The following NOCT variants were observed in gnomAD, a reference collection of about 807,000 sequenced individuals.
NOCT encodes the protein CCR4 carbon catabolite repression 4-like.
In NOCT, 18 loss-of-function variants were observed where a neutral mutation model predicts 35.0. The ratio of observed to expected loss-of-function variants is 0.51; its 90% CI spans 0.36 to 0.76. NOCT has a LOEUF of 0.76. NOCT is among the 30% of genes least tolerant of loss of function. The pLI, the probability that NOCT is intolerant of heterozygous loss-of-function variation, is 0.01. For synonymous variants in NOCT, 235 were observed against 226.3 expected (o/e 1.04, Z -0.34); for missense variants, 479 against 541.0 (o/e 0.89, Z 1.14).
chr4:139,019,062 A>AT (rs1302431968), intron 1 of NOCT, among the ~76,000 whole-genome samples: 7 of 151,880 alleles, frequency 4.6e-5, no homozygotes, highest in South Asian at 2.1e-4. Flanking sequence ...TTTTATTTTT[A>AT]TTTTTTTTGA....
chr4:139,015,833 G>A lies in NOCT; in HGVS notation c.-149G>A. ...CCTCCCTCTCCGGCTCTGCTGCCCGGGATTTCCCCAGAACCTGCGCCGCGC... is the reference window on the plus strand; with the variant it reads ...CCTCCCTCTCCGGCTCTGCTGCCCGAGATTTCCCCAGAACCTGCGCCGCGC... On this transcript the variant is annotated 5_prime_UTR_variant, in exon 1 of 3. Coordinates refer to ENST00000280614, the MANE Select transcript of NOCT (RefSeq NM_012118.4). 1.8e-6 allele frequency: 1 copy of A among 563,250 alleles called. No individual in the cohort carries two copies. The highest frequency in any genetic ancestry group is 2.6e-6 in the Non-Finnish European group (1 of 387,012). 34.9% of individuals were successfully genotyped at this position (563,250 alleles called of 1,614,324 possible). A position where few individuals can be genotyped will look rare whatever the true frequency, so the allele number is the denominator to read the frequency against.
chr4:139,040,843 A>C (rs1195418894), intron 1 of NOCT, among the ~76,000 whole-genome samples: 1 of 152,162 alleles, frequency 6.6e-6, no homozygotes, highest in Non-Finnish European at 1.5e-5. Flanking sequence ...ATTGCTGATC[A>C]GGAGACCACA....
chr4:139,042,984 G>C, intron 1 of NOCT, 90 bp from the exon 2 acceptor site: 3 of 1,205,728 alleles, frequency 2.5e-6, no homozygotes, highest in Non-Finnish European at 3.5e-6. Context: ...TCCTGGTTTC[G>C]GTGGACAGTA....
At chr4:139,023,192 T>C (rs950279515) in intron 1 of NOCT, among the ~76,000 whole-genome samples, 2 of 152,206 alleles carry the variant, frequency 1.3e-5, no homozygotes, top group East Asian at 1.9e-4. Context: ...TGATGCATCC[T>C]TTCTAGCTGT....
rs75766340 is a variant in NOCT, at chr4:139,021,148, C to T, written c.190+4977C>T. On this transcript the variant is annotated intron_variant, in intron 1 of 2. Transcript: ENST00000280614. Reference sequence around the variant, plus strand: ...GAGACCCCTGAGAAAGAACATTGACCCCCGAAAAAAGCAGCTTTAAAAAAT... The same window carrying T: ...GAGACCCCTGAGAAAGAACATTGACTCCCGAAAAAAGCAGCTTTAAAAAAT... Among the ~76,000 whole-genome samples the T allele has an allele frequency of 5.2e-3, 784 of 151,686 alleles. 9 individuals are homozygous for T. The highest frequency in any genetic ancestry group is 0.017 in the African/African-American group (689 of 41,336).
intron 1 of NOCT, among the ~76,000 whole-genome samples, chr4:139,017,050 G>GCTCA (rs2148641215): frequency 6.9e-6 from 1 of 144,212 alleles, no homozygotes; most frequent in South Asian, 2.2e-4. Context: ...GTAAAAGTGA[G>GCTCA]GCCTTAGTTT....
intron 1 of NOCT, among the ~76,000 whole-genome samples, chr4:139,041,930 A>G (rs1726837536): frequency 6.6e-6 from 1 of 151,780 alleles, no homozygotes; most frequent in African/African-American, 2.4e-5. Flanking sequence ...GAATCTAGCC[A>G]TTACTTTCCC....
At position 139,043,231 on chromosome 4, in the gene NOCT, C is replaced by G. The variant is rs138828941; in HGVS notation, c.348C>G (p.Ala116=). 7 of 1,613,952 alleles carry G rather than the reference C, an allele frequency of 4.3e-6. No individual in the cohort carries two copies. The highest frequency in any genetic ancestry group is 5.9e-6 in the Non-Finnish European group (7 of 1,179,988). ...DPKELLEECR[A]VLHTRPPRFQ... is the part of the protein sequence containing the mutation. ...AAGAGCTTCTTGAGGAATGCAGGGC[C>G]GTCCTGCACACCCGACCTCCCCGGT... The change falls in exon 2 of 3, where the codon GCC becomes GCG. Residue 116 remains alanine, a synonymous_variant. Transcript: ENST00000280614.
chr4:139,026,718 T>G (rs1726524037), intron 1 of NOCT, among the ~76,000 whole-genome samples: 1 of 150,974 alleles, frequency 6.6e-6, no homozygotes, highest in Non-Finnish European at 1.5e-5. Flanking sequence ...ACCCAACTAA[T>G]TTTTGTATTT....
Position 139,044,727 on chromosome 4 carries a change from C to A in NOCT, c.549C>A (p.Ile183=). The change falls in exon 3 of 3, where the codon ATC becomes ATA. Residue 183 remains isoleucine (I), a synonymous_variant. Transcript: ENST00000280614. ...EERKCLILEE[I]LAYQPDILCL... ...GGAAATGTCTCATCCTGGAAGAAATCCTGGCCTACCAGCCTGATATATTGT... is the reference window on the plus strand; with the variant it reads ...GGAAATGTCTCATCCTGGAAGAAATACTGGCCTACCAGCCTGATATATTGT... 1.2e-6 allele frequency: 2 copies of A among 1,614,174 alleles called. No homozygotes were observed. The highest frequency in any genetic ancestry group is 2.2e-5 in the East Asian group (1 of 44,886).
intron 1 of NOCT, among the ~76,000 whole-genome samples, chr4:139,038,588 A>G (rs1296352729): frequency 6.6e-6 from 1 of 152,196 alleles, no homozygotes; most frequent in Non-Finnish European, 1.5e-5. Flanking sequence ...TCATATATAC[A>G]CAGCAGTCTC....
chr4:139,027,448 C>T (rs970891050), intron 1 of NOCT, among the ~76,000 whole-genome samples: 1 of 152,172 alleles, frequency 6.6e-6, no homozygotes, highest in African/African-American at 2.4e-5. Flanking sequence ...CGCAGCTACT[C>T]AACTCTGCTG....
chr4:139,025,817 A>G (rs1422897691), intron 1 of NOCT, among the ~76,000 whole-genome samples: 1 of 152,014 alleles, frequency 6.6e-6, no homozygotes, highest in Admixed American at 6.6e-5. Context: ...AAAAAAAAAA[A>G]AATTTAAATA....
At chr4:139,019,749 T>G (rs541305899) in intron 1 of NOCT, among the ~76,000 whole-genome samples, 1 of 152,058 alleles carries the variant, frequency 6.6e-6, no homozygotes, top group South Asian at 2.1e-4. Flanking sequence ...TGTTTGGCTT[T>G]CTTTTCTCAA....
intron 2 of NOCT, 75 bp downstream of exon 2, chr4:139,043,418 C>A: frequency 7.0e-7 from 1 of 1,424,636 alleles, no homozygotes; most frequent in Non-Finnish European, 9.8e-7. Context: ...ATCCACAGTG[C>A]ACTGTTTTAT....
Position 139,044,973 on chromosome 4 carries a change from G to A in NOCT, c.795G>A (p.Val265=), listed in dbSNP as rs1726904905. The part of the protein sequence containing the change: ...LTAMTLKTNQ[V]AIAQTLECKE... ...CCATGACATTGAAAACCAACCAGGT[G>A]GCCATTGCACAGACCCTGGAGTGCA... The change falls in exon 3 of 3, where the codon GTG becomes GTA. Residue 265 remains valine, a synonymous_variant. Transcript: ENST00000280614. 1 of 1,614,070 alleles carries A rather than the reference G, an allele frequency of 6.2e-7. No homozygotes were observed. The highest frequency in any genetic ancestry group is 1.3e-5 in the African/African-American group (1 of 74,920).
Position 139,016,064 on chromosome 4 carries a change from T to C in NOCT, c.83T>C (p.Leu28Pro). 2 of 1,390,200 alleles carry C rather than the reference T, an allele frequency of 1.4e-6. No individual in the cohort carries two copies. The highest frequency in any genetic ancestry group is 1.9e-6 in the Non-Finnish European group (2 of 1,070,166). The allele number at this position is 1,390,200 out of a possible 1,614,324, so 86.1% of individuals were successfully genotyped here. A position where few individuals can be genotyped will look rare whatever the true frequency, so the allele number is the denominator to read the frequency against. Residue 28 changes from leucine (L) to proline (P), a missense_variant, in exon 1 of 3, where the codon CTG becomes CCG. Around this residue, in one of 2 missense-constraint regions of NOCT, gnomAD observed 265 missense variants for 257.0 expected, o/e 1.03. Coordinates refer to ENST00000280614, the MANE Select transcript of NOCT (RefSeq NM_012118.4). The stretch of plus-strand genomic sequence containing the variant: ...CTGCGCCGCCTGCCCGCCCCAGGGC[T>C]GCGCCGCCCGTTGTCCCCGCCGGCT... ...PGLRRLPAPG[L>P]RRPLSPPAAV...
intron 1 of NOCT, among the ~76,000 whole-genome samples, chr4:139,042,729 A>G (rs1726857309): frequency 6.6e-6 from 1 of 152,142 alleles, no homozygotes; most frequent in Non-Finnish European, 1.5e-5. Flanking sequence ...TAGCCTGACC[A>G]ACATGGGGAA....
At chr4:139,043,029 C>T (rs1726865348) in intron 1 of NOCT, 45 bp from the exon 2 acceptor site, 2 of 1,537,366 alleles carry the variant, frequency 1.3e-6, no homozygotes, top group African/African-American at 2.7e-5. Flanking sequence ...GGCGAGAAGT[C>T]AGGAAAAGGA....
Sources: gnomAD v4.1 joint callset for allele counts (sites outside exome capture counted in the v4.1 genomes callset) on GRCh38, gnomAD v4.1.1 for gene constraint, gnomAD v4.1.1 regional missense constraint, MANE v1.5 for transcripts, NCBI Gene and HGNC (gene_info 2026-07-23, HGNC 2026-07-21) for gene names.